Variants in DPYD observed in about 807,000 individuals in gnomAD.
The protein encoded by DPYD is dihydropyrimidine dehydrogenase [NADP(+)].
In DPYD, 109 loss-of-function variants were observed where a neutral mutation model predicts 116.2. That is an observed-to-expected ratio of 0.94 (90% CI 0.80 to 1.10). DPYD has a LOEUF of 1.10. DPYD is among the 50% of genes least tolerant of loss of function. DPYD has a pLI of 0.00. For synonymous variants in DPYD, 440 were observed against 432.0 expected, an observed-to-expected ratio of 1.02 and a Z score of -0.23; for missense variants, 1,302 against 1,254.5, an observed-to-expected ratio of 1.04 and a Z score of -0.57.
At chr1:97,301,910 GA>G (rs35282661) in intron 18 of DPYD, among the ~76,000 whole-genome samples, 1 of 151,160 alleles carries the variant, frequency 6.6e-6, no homozygotes, top group East Asian at 1.9e-4. Flanking sequence ...AATGAAGTCA[GA>G]AAAAAAGGTC....
At chr1:97,769,530 C>T (rs1465296002) in intron 3 of DPYD, among the ~76,000 whole-genome samples, 3 of 152,004 alleles carry the variant, frequency 2.0e-5, no homozygotes, top group Admixed American at 6.6e-5. Context: ...AAAACAGTTT[C>T]GTTTCACTCT....
intron 18 of DPYD, 115 bp from the exon 19 acceptor site, chr1:97,235,109 C>G: frequency 8.0e-7 from 1 of 1,251,152 alleles, no homozygotes; most frequent in Non-Finnish European, 1.2e-6. Flanking sequence ...TTTCAAATTA[C>G]TTTATCTCTG....
chr1:97,767,409 A>C (rs1391331276), intron 3 of DPYD, among the ~76,000 whole-genome samples: 1 of 152,142 alleles, frequency 6.6e-6, no homozygotes. Flanking sequence ...ATTTAAACTG[A>C]GACAAACTGC....
intron 18 of DPYD, among the ~76,000 whole-genome samples, chr1:97,285,139 T>A (rs1379177292): frequency 6.6e-6 from 1 of 152,118 alleles, no homozygotes; most frequent in Non-Finnish European, 1.5e-5. Context: ...CCTCTAACAC[T>A]CTGTATAGAA....
intron 13 of DPYD, among the ~76,000 whole-genome samples, chr1:97,486,286 C>G (rs186305240): frequency 6.6e-6 from 1 of 152,024 alleles, no homozygotes; most frequent in Non-Finnish European, 1.5e-5. Flanking sequence ...ATTATTTTGG[C>G]CTTCCATTTT....
chr1:97,889,526 G>T (rs934674580), intron 1 of DPYD, among the ~76,000 whole-genome samples: 2 of 151,954 alleles, frequency 1.3e-5, no homozygotes, highest in African/African-American at 2.4e-5. Flanking sequence ...TAGAAATAAA[G>T]AGGAACATTT....
At chr1:97,105,452 T>C (rs572100358) in intron 20 of DPYD, among the ~76,000 whole-genome samples, 9 of 152,256 alleles carry the variant, frequency 5.9e-5, no homozygotes, top group African/African-American at 1.9e-4. Flanking sequence ...TAAGAACATC[T>C]GCTACACACT....
At chr1:97,416,187 A>G (rs768648236) in intron 14 of DPYD, among the ~76,000 whole-genome samples, 1 of 152,214 alleles carries the variant, frequency 6.6e-6, no homozygotes, top group Non-Finnish European at 1.5e-5. Context: ...AGAATCCTTT[A>G]TAAAAAGGGC....
intron 8 of DPYD, among the ~76,000 whole-genome samples, chr1:97,626,614 T>C (rs1656945316): frequency 6.6e-6 from 1 of 152,058 alleles, no homozygotes; most frequent in Non-Finnish European, 1.5e-5. Flanking sequence ...ACATTGGTCT[T>C]CTAAAACAAT....
chr1:97,616,889 T>C (rs1360535380), intron 8 of DPYD, among the ~76,000 whole-genome samples: 2 of 152,130 alleles, frequency 1.3e-5, no homozygotes, highest in Non-Finnish European at 2.9e-5. Context: ...TATGAAAGTT[T>C]TATTTCTTTT....
At chr1:97,262,382 T>C (rs1442268806) in intron 18 of DPYD, among the ~76,000 whole-genome samples, 1 of 152,088 alleles carries the variant, frequency 6.6e-6, no homozygotes, top group Non-Finnish European at 1.5e-5. Flanking sequence ...CACATAGGGT[T>C]GAACACATTG....
intron 1 of DPYD, among the ~76,000 whole-genome samples, chr1:97,897,353 T>A (rs1252938671): frequency 2.0e-5 from 3 of 151,874 alleles, no homozygotes; most frequent in Admixed American, 1.3e-4. Context: ...TTTGACCAAT[T>A]TGATTATGAT....
intron 2 of DPYD, among the ~76,000 whole-genome samples, chr1:97,868,409 T>C (rs1325194311): frequency 6.6e-6 from 1 of 151,732 alleles, no homozygotes; most frequent in Non-Finnish European, 1.5e-5. Flanking sequence ...TACTAAAAGA[T>C]AAAATATTAT....
At chr1:97,792,076 C>G (rs1199856749) in intron 3 of DPYD, among the ~76,000 whole-genome samples, 1 of 152,166 alleles carries the variant, frequency 6.6e-6, no homozygotes, top group Non-Finnish European at 1.5e-5. Context: ...CACCTGCTAA[C>G]TCTATTATGC....
At chr1:97,349,848 T>C (rs1443328601) in intron 16 of DPYD, among the ~76,000 whole-genome samples, 1 of 151,816 alleles carries the variant, frequency 6.6e-6, no homozygotes, top group Non-Finnish European at 1.5e-5. Flanking sequence ...TTATAATCCT[T>C]TGGGTATATA....
At position 97,296,509 on chromosome 1, in the gene DPYD, CAT is replaced by C. The variant is rs1003461547; in HGVS notation, c.2299+8748_2299+8749del. On this transcript the variant is annotated intron_variant, in intron 18 of 22. Coordinates refer to ENST00000370192, the MANE Select transcript of DPYD (RefSeq NM_000110.4). ...TACATGATCAAATTATTTAAAAAGC[CAT>C]ATGTTTCTCATTAATAAATGAATCT... Among the ~76,000 whole-genome samples the C allele has an allele frequency of 2.9e-4, 44 of 151,982 alleles. 1 individual carries two copies. The highest frequency in any genetic ancestry group is 9.4e-4 in the African/African-American group (39 of 41,488).
At chr1:97,496,674 A>C (rs755596889) in intron 13 of DPYD, among the ~76,000 whole-genome samples, 2 of 151,988 alleles carry the variant, frequency 1.3e-5, no homozygotes, top group Non-Finnish European at 2.9e-5. Flanking sequence ...GGCACTATGC[A>C]GGGCAACTGT....
chr1:97,140,202 G>C (rs1654111817), intron 20 of DPYD, among the ~76,000 whole-genome samples: 1 of 152,066 alleles, frequency 6.6e-6, no homozygotes, highest in Admixed American at 6.6e-5. Context: ...GACTACTGCT[G>C]AGAAAGGCCT....
intron 18 of DPYD, among the ~76,000 whole-genome samples, chr1:97,274,349 C>G (rs934463256): frequency 2.0e-5 from 3 of 152,080 alleles, no homozygotes; most frequent in Non-Finnish European, 2.9e-5. Context: ...TATTTCACAC[C>G]TGAGCCGCTT....
Sources: allele counts gnomAD v4.1 joint callset (sites outside exome capture counted in the v4.1 genomes callset), GRCh38; gene constraint gnomAD v4.1.1; transcripts MANE v1.5; gene names NCBI Gene and HGNC (gene_info 2026-07-23, HGNC 2026-07-21).